The following ATP8A1 variants were observed in gnomAD, a reference collection of about 807,000 sequenced individuals.
ATP8A1 encodes the protein ATPase phospholipid transporting 8A1.
Under a neutral mutation model 177.7 loss-of-function variants are expected in ATP8A1, and 90 were observed. The observed-to-expected ratio is 0.51, with a 90% CI of 0.43 to 0.60. The LOEUF (loss-of-function observed/expected upper bound fraction) is 0.60, where lower values mean the gene tolerates loss of function less well. ATP8A1 is among the 20% of genes least tolerant of loss of function. ATP8A1 has a pLI of 0.00. For missense variants in ATP8A1, 1,072 were observed against 1,392.8 expected (o/e 0.77, Z 3.67); for synonymous variants, 493 against 485.9 (o/e 1.01, Z -0.19).
intron 19 of ATP8A1, among the ~76,000 whole-genome samples, chr4:42,545,524 C>A (rs961210741): frequency 6.6e-6 from 1 of 152,184 alleles, no homozygotes; most frequent in South Asian, 2.1e-4. Context: ...CAACTGGGTG[C>A]TCCTTACTGC....
At chr4:42,478,092 T>C (rs924989992) in intron 25 of ATP8A1, among the ~76,000 whole-genome samples, 6 of 152,048 alleles carry the variant, frequency 3.9e-5, no homozygotes, top group Non-Finnish European at 7.4e-5. Flanking sequence ...GGGCGGCTCA[T>C]GCCTGTAATC....
chr4:42,575,518 A>G, intron 13 of ATP8A1, 104 bp downstream of exon 13: 1 of 868,160 alleles, frequency 1.2e-6, no homozygotes, highest in Non-Finnish European at 1.9e-6. Context: ...CAAATAGTGG[A>G]AAATTAAAAG....
chr4:42,570,928 G>T (rs1731840723), intron 14 of ATP8A1, among the ~76,000 whole-genome samples: 1 of 152,102 alleles, frequency 6.6e-6, no homozygotes, highest in Non-Finnish European at 1.5e-5. Flanking sequence ...CTTTATATTT[G>T]TCTGTATGAT....
intron 30 of ATP8A1, among the ~76,000 whole-genome samples, chr4:42,448,396 C>CTTTACTTTTTTTTTTTTTTTT (rs778022629): frequency 0.014 from 1,178 of 83,750 alleles, 232 homozygotes; most frequent in Non-Finnish European, 0.017. Flanking sequence ...CCTTCTCTTT[C>CTTTACTTTTTTTTTTTTTTTT]TTTTCTTTTT....
chr4:42,435,368 G>A (rs1370703695), intron 33 of ATP8A1, among the ~76,000 whole-genome samples: 22 of 148,588 alleles, frequency 1.5e-4, no homozygotes, highest in African/African-American at 5.5e-4. Context: ...GGAGGTTGCA[G>A]TGAGCTGAGA....
chr4:42,438,251 G>C (rs2153173008), intron 33 of ATP8A1, among the ~76,000 whole-genome samples: 1 of 152,240 alleles, frequency 6.6e-6, no homozygotes, highest in Middle Eastern at 3.4e-3. Context: ...TTCACTTTGT[G>C]TCTGTGAAAT....
intron 22 of ATP8A1, among the ~76,000 whole-genome samples, chr4:42,512,227 G>A (rs765276285): frequency 2.6e-5 from 4 of 152,150 alleles, no homozygotes; most frequent in Non-Finnish European, 5.9e-5. Context: ...GGAAGCAAAT[G>A]GGATGTAAAA....
At chr4:42,477,582 T>C (rs1296738133) in intron 25 of ATP8A1, among the ~76,000 whole-genome samples, 2 of 152,230 alleles carry the variant, frequency 1.3e-5, no homozygotes, top group Non-Finnish European at 2.9e-5. Context: ...CTTTTCATTG[T>C]AGCAAAGATT....
chr4:42,493,353 T>A (rs1179212113), intron 24 of ATP8A1, among the ~76,000 whole-genome samples: 2 of 152,162 alleles, frequency 1.3e-5, no homozygotes, highest in African/African-American at 4.8e-5. Flanking sequence ...AAATTAAATG[T>A]TATTTTGAAA....
intron 4 of ATP8A1, among the ~76,000 whole-genome samples, chr4:42,620,483 C>T (rs764764629): frequency 8.5e-5 from 13 of 152,116 alleles, no homozygotes; most frequent in Non-Finnish European, 1.5e-4. Context: ...TTATTTGCCA[C>T]GTACTTTCAA....
chr4:42,432,429 C>T (rs1237355342), intron 33 of ATP8A1, among the ~76,000 whole-genome samples: 1 of 152,236 alleles, frequency 6.6e-6, no homozygotes, highest in African/African-American at 2.4e-5. Flanking sequence ...ACTCTGCTTT[C>T]AGACACTGAA....
intron 35 of ATP8A1, among the ~76,000 whole-genome samples, chr4:42,415,508 C>T (rs989515862): frequency 8.5e-5 from 13 of 152,118 alleles, no homozygotes; most frequent in South Asian, 2.1e-4. Context: ...TTGTTGAATA[C>T]GTGAAGTTGA....
chr4:42,497,898 G>A (rs1019712285), intron 24 of ATP8A1, among the ~76,000 whole-genome samples: 2 of 151,920 alleles, frequency 1.3e-5, no homozygotes, highest in African/African-American at 2.4e-5. Context: ...GACAATATTC[G>A]AACAATCTTT....
intron 1 of ATP8A1, among the ~76,000 whole-genome samples, chr4:42,643,778 T>C (rs908602590): frequency 2.6e-5 from 4 of 152,264 alleles, no homozygotes; most frequent in African/African-American, 4.8e-5. Flanking sequence ...GTATTATCAC[T>C]TTATCAAAGA....
At chr4:42,450,304 G>T (rs1241326158) in intron 30 of ATP8A1, among the ~76,000 whole-genome samples, 1 of 152,212 alleles carries the variant, frequency 6.6e-6, no homozygotes, top group African/African-American at 2.4e-5. Flanking sequence ...GTAGTTGCCA[G>T]GGTCTGGTAG....
At chr4:42,571,071 T>C (rs776325508) in intron 14 of ATP8A1, among the ~76,000 whole-genome samples, 1 of 152,168 alleles carries the variant, frequency 6.6e-6, no homozygotes, top group African/African-American at 2.4e-5. Context: ...GATATACAGA[T>C]AAATAAATGA....
intron 22 of ATP8A1, among the ~76,000 whole-genome samples, chr4:42,511,802 T>C (rs1169931326): frequency 6.6e-6 from 1 of 151,722 alleles, no homozygotes. Context: ...AAACATTATG[T>C]CAGTGCTTAG....
At chr4:42,528,608 C>G (rs771729001) in intron 20 of ATP8A1, among the ~76,000 whole-genome samples, 1 of 152,024 alleles carries the variant, frequency 6.6e-6, no homozygotes, top group Non-Finnish European at 1.5e-5. Flanking sequence ...TGGCAAATTC[C>G]TTTTTCTCCA....
intron 6 of ATP8A1, among the ~76,000 whole-genome samples, chr4:42,591,337 T>C (rs1331902168): frequency 6.6e-6 from 1 of 151,972 alleles, no homozygotes; most frequent in Non-Finnish European, 1.5e-5. Context: ...AAAAGTATAC[T>C]AGTCCCTGCC....
Sources: allele counts gnomAD v4.1 joint callset (sites outside exome capture counted in the v4.1 genomes callset), GRCh38; gene constraint gnomAD v4.1.1; transcripts MANE v1.5; gene names NCBI Gene and HGNC (gene_info 2026-07-23, HGNC 2026-07-21).